Variants in HMCN2 observed in about 807,000 individuals in gnomAD.
HMCN2 encodes the protein hemicentin-2.
A neutral mutation model predicts 377.5 loss-of-function variants in HMCN2; 325 were observed. The observed-to-expected ratio is 0.86, with a 90% CI of 0.79 to 0.94. The LOEUF is 0.94. Among genes scored for constraint, HMCN2 ranks in the 40% least tolerant of loss-of-function variants. The pLI is 0.00. For missense variants in HMCN2, 4,543 were observed against 4,725.3 expected (o/e 0.96, Z 1.13); for synonymous variants, 2,007 against 2,046.8 (o/e 0.98, Z 0.53).
intron 1 of HMCN2, among the ~76,000 whole-genome samples, chr9:130,276,390 G>A (rs782065852): frequency 6.6e-6 from 1 of 151,920 alleles, no homozygotes; most frequent in Non-Finnish European, 1.5e-5. Context: ...GAGAAGCTGG[G>A]TGGGTGGGGG....
chr9:130,281,832 G>A (rs1188824236), intron 1 of HMCN2, among the ~76,000 whole-genome samples: 1 of 149,838 alleles, frequency 6.7e-6, no homozygotes, highest in Non-Finnish European at 1.5e-5. Flanking sequence ...GGAGGCTGCA[G>A]TGAGCCGAGA....
intron 29 of HMCN2, among the ~76,000 whole-genome samples, chr9:130,349,994 C>A (rs956454004): frequency 1.4e-5 from 2 of 139,104 alleles, no homozygotes; most frequent in African/African-American, 2.7e-5. Flanking sequence ...AACTCCTGGG[C>A]TTCTTGGGCT....
intron 18 of HMCN2, among the ~76,000 whole-genome samples, 182 bp downstream of exon 18, chr9:130,321,085 C>T (rs1201419616): frequency 2.0e-5 from 3 of 152,158 alleles, no homozygotes; most frequent in African/African-American, 4.8e-5. Flanking sequence ...TGTTTGTTGC[C>T]CTCTAAAGTC....
At chr9:130,290,049 C>T (rs531479233) in intron 4 of HMCN2, among the ~76,000 whole-genome samples, 2 of 152,328 alleles carry the variant, frequency 1.3e-5, no homozygotes, top group South Asian at 2.1e-4. Context: ...CCAGATTTTT[C>T]GTTCCTTCCC....
intron 21 of HMCN2, among the ~76,000 whole-genome samples, chr9:130,327,094 G>C (rs1838176896): frequency 2.6e-5 from 4 of 152,066 alleles, no homozygotes; most frequent in Non-Finnish European, 2.9e-5. Context: ...GTGGGGAGGT[G>C]GGTAGGGGAG....
At chr9:130,316,779 T>C (rs1034597483) in intron 15 of HMCN2, among the ~76,000 whole-genome samples, 11 of 151,820 alleles carry the variant, frequency 7.2e-5, no homozygotes, top group Admixed American at 4.6e-4. Context: ...CACCTGGGAG[T>C]CTGTGTGAGG....
At chr9:130,315,561 G>A (rs1043905602) in intron 15 of HMCN2, among the ~76,000 whole-genome samples, 1 of 150,870 alleles carries the variant, frequency 6.6e-6, no homozygotes, top group Admixed American at 6.6e-5. Flanking sequence ...GCCACACTGG[G>A]CTGGTAGGGC....
rs2131570956 is a variant in HMCN2 at position 130,362,867 on chromosome 9, G to A, written c.6109G>A (p.Val2037Ile). The stretch of plus-strand genomic sequence containing the variant: ...TTTGGGCTTCCCCCTGGGGTCACAG[G>A]TCTTCCCTGGGGGCCGGGTCCTCAC... ...VSPAGTPGLQ[V>I]FPGGRVLTLA... is the part of the protein sequence containing the mutation. Residue 2037 changes from valine to isoleucine, a missense_variant and splice_region_variant, in exon 40 of 98, where the codon GTC becomes ATC. Val to Ile is a conservative substitution (Grantham distance 29). Around this residue, in one of 5 missense-constraint regions of HMCN2, gnomAD observed 1,032 missense variants for 1,285.1 expected, o/e 0.80. Transcript: ENST00000683500. 1.0e-6 allele frequency: 1 copy of A among 985,928 alleles called. No individual in the cohort carries two copies. The highest frequency in any genetic ancestry group is 1.2e-6 in the Non-Finnish European group (1 of 829,974). The allele number at this position is 985,928 out of a possible 1,614,324, so 61.1% of individuals were successfully genotyped here. A position where few individuals can be genotyped will look rare whatever the true frequency, so the allele number is the denominator to read the frequency against.
chr9:130,407,707 T>C lies in HMCN2; in HGVS notation c.12688+2T>C. On this transcript the variant is annotated splice_donor_variant, in intron 83 of 97. Coordinates refer to ENST00000683500, the MANE Select transcript of HMCN2 (RefSeq NM_001291815.2). LOFTEE classifies it high-confidence loss of function. The stretch of plus-strand genomic sequence containing the variant: ...CGGTCAGCTTCGTCCACGTGAAGGG[T>C]AGGGCACATTCCCCAGGTGGCTTCT... 1 of 1,222,050 alleles carries C rather than the reference T, an allele frequency of 8.2e-7. No individual in the cohort carries two copies. The highest frequency in any genetic ancestry group is 1.0e-6 in the Non-Finnish European group (1 of 952,550). 75.7% of individuals were successfully genotyped at this position (1,222,050 alleles called of 1,614,324 possible).
At chr9:130,300,480 A>G (rs1353082652) in intron 8 of HMCN2, among the ~76,000 whole-genome samples, 1 of 152,230 alleles carries the variant, frequency 6.6e-6, no homozygotes, top group African/African-American at 2.4e-5. Context: ...AGCTCCTGCC[A>G]TGTGCTAGCT....
rs1170479883 is a variant in HMCN2, at chr9:130,416,104, T to TTA, written c.12962-2667_12962-2666insAT. 1.0e-4 allele frequency among the ~76,000 whole-genome samples: 7 copies of TTA among 67,362 alleles called. No individual in the cohort carries two copies. The South Asian group carries it at 1.7e-3, about 16-fold the overall frequency. 44.2% of individuals were successfully genotyped at this position (67,362 alleles called of 152,430 possible). A position where few individuals can be genotyped will look rare whatever the true frequency, so the allele number is the denominator to read the frequency against. On this transcript the variant is annotated intron_variant, in intron 85 of 97. Transcript: ENST00000683500. ...ATCCAAAGTTCTAGAGGCTTTATTT[T>TTA]TTTTTTTTTTTTTTTTTGGAGACAG...
intron 90 of HMCN2, among the ~76,000 whole-genome samples, chr9:130,426,201 C>CAGGATGGTTCCAACCAGCCCTGATG (rs1844353206): frequency 6.6e-6 from 1 of 152,174 alleles, no homozygotes; most frequent in Admixed American, 6.5e-5. Context: ...CCAACCACCC[C>CAGGATGGTTCCAACCAGCCCTGATG]AGGCTGATGT....
At position 130,425,736 on chromosome 9, in the gene HMCN2, G is replaced by C. The variant is rs188908221; in HGVS notation, c.13691G>C (p.Gly4564Ala). The C allele has an allele frequency of 2.3e-5, 35 of 1,550,444 alleles. No homozygotes were observed. The highest frequency in any genetic ancestry group is 2.9e-5 in the Non-Finnish European group (33 of 1,146,936). Residue 4564 changes from glycine (G) to alanine (A), a missense_variant, in exon 90 of 98, where the codon GGC becomes GCC. This residue lies in a region of HMCN2 where 1,155 missense variants were observed against 1,157.7 expected (regional missense o/e 1.00). Coordinates refer to ENST00000683500, the MANE Select transcript of HMCN2 (RefSeq NM_001291815.2). The stretch of plus-strand genomic sequence containing the variant: ...ACAGGGCCTGGCCAGCTGTTCGTGG[G>C]CTCCACACAGCGCTTCTTCCAGGGC... ...VQTGPGQLFV[G>A]STQRFFQGGL... is the part of the protein sequence containing the mutation.
intron 44 of HMCN2, 31 bp downstream of exon 44, chr9:130,368,468 C>G (rs951060252): frequency 2.0e-6 from 2 of 983,360 alleles, no homozygotes; most frequent in Middle Eastern, 5.2e-4. Flanking sequence ...CTGGAAGGGT[C>G]TGGGATCATG....
chr9:130,293,088 A>C (rs1011213906), intron 4 of HMCN2, among the ~76,000 whole-genome samples: 2 of 152,028 alleles, frequency 1.3e-5, no homozygotes, highest in Non-Finnish European at 2.9e-5. Flanking sequence ...TTCAAATTTC[A>C]CATTGTAGAT....
At chr9:130,324,986 G>GA (rs879059041) in intron 19 of HMCN2, among the ~76,000 whole-genome samples, 62,136 of 151,816 alleles carry the variant, frequency 0.41, 13,869 homozygotes, top group South Asian at 0.58. Flanking sequence ...ATATCACCTG[G>GA]AGTAGCTTCA....
intron 75 of HMCN2, 44 bp from the exon 76 acceptor site, chr9:130,399,467 C>CT: frequency 8.0e-7 from 1 of 1,242,422 alleles, no homozygotes; most frequent in South Asian, 1.3e-5. Context: ...CAGCTGGTCT[C>CT]TGTCAGCCCA....
chr9:130,286,429 A>T (rs1554927773), intron 4 of HMCN2, 119 bp downstream of exon 4: 3 of 414,886 alleles, frequency 7.2e-6, no homozygotes, highest in African/African-American at 6.1e-5. Context: ...ATGCAGGGAC[A>T]TCTATATAGC....
intron 42 of HMCN2, 48 bp downstream of exon 42, chr9:130,365,775 T>C: frequency 4.1e-6 from 4 of 980,180 alleles, no homozygotes; most frequent in Non-Finnish European, 4.8e-6. Context: ...CTGCCTTGAT[T>C]GCGTCCCAGG....
Sources: gnomAD v4.1 joint callset for allele counts (sites outside exome capture counted in the v4.1 genomes callset) on GRCh38, gnomAD v4.1.1 for gene constraint, gnomAD v4.1.1 regional missense constraint, MANE v1.5 for transcripts, NCBI Gene and HGNC (gene_info 2026-07-23, HGNC 2026-07-21) for gene names.